LRP12: variants seen among roughly 807,000 people sequenced by gnomAD.
LRP12 encodes the protein low-density lipoprotein receptor-related protein 12.
LRP12 carries 14 observed loss-of-function variants against 66.0 expected under a neutral mutation model. The observed-to-expected ratio is 0.21, with a 90% CI of 0.14 to 0.33. LRP12 has a LOEUF of 0.33. Among genes scored for constraint, LRP12 ranks in the 10% least tolerant of loss-of-function variants. The pLI, the probability that LRP12 is intolerant of heterozygous loss-of-function variation, is 1.00. For synonymous variants in LRP12, 357 were observed against 359.1 expected, an observed-to-expected ratio of 0.99 and a Z score of 0.07; for missense variants, 889 against 1,053.4, an observed-to-expected ratio of 0.84 and a Z score of 2.16.
intron 1 of LRP12, among the ~76,000 whole-genome samples, chr8:104,587,658 T>C (rs1471972661): frequency 2.6e-5 from 4 of 152,196 alleles, no homozygotes; most frequent in East Asian, 3.8e-4. Flanking sequence ...AAAGCCACCA[T>C]CACATTCAAT....
At chr8:104,586,208 T>C (rs564336700) in intron 1 of LRP12, among the ~76,000 whole-genome samples, 1 of 152,344 alleles carries the variant, frequency 6.6e-6, no homozygotes, top group South Asian at 2.1e-4. Flanking sequence ...GGTAAGACTC[T>C]GGCATTCAGA....
chr8:104,577,503 C>A (rs1189846464), intron 1 of LRP12, among the ~76,000 whole-genome samples: 1 of 152,100 alleles, frequency 6.6e-6, no homozygotes, highest in Non-Finnish European at 1.5e-5. Context: ...AAAATTCAGG[C>A]AGAAATCAAG....
intron 1 of LRP12, among the ~76,000 whole-genome samples, chr8:104,555,691 T>G (rs1811796889): frequency 6.6e-6 from 1 of 151,972 alleles, no homozygotes; most frequent in African/African-American, 2.4e-5. Flanking sequence ...AGAAATGAGA[T>G]AGAGAGCAAC....
intron 2 of LRP12, among the ~76,000 whole-genome samples, chr8:104,521,486 C>T (rs184397498): frequency 2.4e-4 from 36 of 151,248 alleles, no homozygotes; most frequent in African/African-American, 8.5e-4. Flanking sequence ...AATAATAATA[C>T]CACCATTAGT....
At chr8:104,548,339 A>T (rs867909243) in intron 1 of LRP12, among the ~76,000 whole-genome samples, 4 of 43,108 alleles carry the variant, frequency 9.3e-5, no homozygotes, top group South Asian at 5.5e-4. Context: ...TATTATATAA[A>T]TATATAAATA....
intron 2 of LRP12, among the ~76,000 whole-genome samples, chr8:104,530,096 A>G (rs1012635520): frequency 7.9e-5 from 12 of 152,204 alleles, no homozygotes; most frequent in Non-Finnish European, 1.3e-4. Context: ...ATTTTTCATA[A>G]AACCATACTA....
intron 2 of LRP12, among the ~76,000 whole-genome samples, chr8:104,513,292 T>G (rs1811023491): frequency 6.6e-6 from 1 of 152,202 alleles, no homozygotes; most frequent in Admixed American, 6.5e-5. Flanking sequence ...ACTTACTGGC[T>G]TTGCACAATA....
intron 1 of LRP12, among the ~76,000 whole-genome samples, chr8:104,569,036 A>G (rs1437404080): frequency 6.6e-6 from 1 of 152,166 alleles, no homozygotes; most frequent in East Asian, 1.9e-4. Context: ...TCTGTCAACT[A>G]ATGAACAGAT....
intron 2 of LRP12, among the ~76,000 whole-genome samples, chr8:104,511,707 A>G (rs185326342): frequency 1.3e-5 from 2 of 152,170 alleles, no homozygotes; most frequent in East Asian, 1.9e-4. Context: ...AAAACATGCA[A>G]TCAAAGCTTT....
intron 2 of LRP12, among the ~76,000 whole-genome samples, chr8:104,524,918 A>C (rs940872884): frequency 6.6e-6 from 1 of 152,140 alleles, no homozygotes; most frequent in East Asian, 1.9e-4. Context: ...GATATATTTT[A>C]AAAAATCAAA....
Position 104,490,284 on chromosome 8 carries a change from CA to C in LRP12, c.*388del, listed in dbSNP as rs1810595787. ...TATATTAAGTTACAAGATGTGTTGGCAAAAGCATAAACGTTTCAATTAAAAT... is the reference window on the plus strand; with the variant it reads ...TATATTAAGTTACAAGATGTGTTGGCAAAGCATAAACGTTTCAATTAAAAT... On this transcript the variant is annotated 3_prime_UTR_variant, in exon 7 of 7. Coordinates refer to ENST00000276654, the MANE Select transcript of LRP12 (RefSeq NM_013437.5). 1 of 158,478 alleles carries C rather than the reference CA, an allele frequency of 6.3e-6. No homozygotes were observed. The allele number at this position is 158,478 out of a possible 1,614,324, so 9.8% of individuals were successfully genotyped here. A position where few individuals can be genotyped will look rare whatever the true frequency, so the allele number is the denominator to read the frequency against.
At chr8:104,579,356 G>A (rs1812211964) in intron 1 of LRP12, among the ~76,000 whole-genome samples, 1 of 151,104 alleles carries the variant, frequency 6.6e-6, no homozygotes, top group South Asian at 2.1e-4. Context: ...AAAATACCCA[G>A]GAACACAGCT....
chr8:104,548,143 A>G (rs1359124716), intron 1 of LRP12, among the ~76,000 whole-genome samples: 2 of 89,246 alleles, frequency 2.2e-5, no homozygotes, highest in East Asian at 5.5e-4. Context: ...AATTATAATT[A>G]TATTATATAT....
At chr8:104,529,216 A>C (rs150067727) in intron 2 of LRP12, among the ~76,000 whole-genome samples, 1,642 of 152,284 alleles carry the variant, frequency 0.011, 12 homozygotes, top group Non-Finnish European at 0.017. Context: ...GCACACACAG[A>C]GGGGAGACTA....
intron 6 of LRP12, among the ~76,000 whole-genome samples, chr8:104,492,984 G>A (rs1246890696): frequency 6.6e-6 from 1 of 152,146 alleles, no homozygotes; most frequent in Non-Finnish European, 1.5e-5. Context: ...ATGAACAAAA[G>A]GCTCTTCTGT....
At chr8:104,523,670 C>A (rs960191503) in intron 2 of LRP12, among the ~76,000 whole-genome samples, 1 of 152,036 alleles carries the variant, frequency 6.6e-6, no homozygotes, top group Admixed American at 6.6e-5. Flanking sequence ...CCATAAACCC[C>A]AAATAACACC....
At chr8:104,498,889 C>T (rs1810779777) in intron 4 of LRP12, among the ~76,000 whole-genome samples, 1 of 152,044 alleles carries the variant, frequency 6.6e-6, no homozygotes, top group African/African-American at 2.4e-5. Context: ...TTTTTAGACA[C>T]AATTTAAGAA....
chr8:104,538,445 C>A (rs539331214), intron 1 of LRP12, among the ~76,000 whole-genome samples: 20 of 152,094 alleles, frequency 1.3e-4, no homozygotes, highest in Admixed American at 1.3e-4. Context: ...CTTCACTTAT[C>A]AAATTTTTAG....
At chr8:104,496,889 T>C in intron 5 of LRP12, 83 bp downstream of exon 5, 3 of 1,320,164 alleles carry the variant, frequency 2.3e-6, no homozygotes, top group Non-Finnish European at 3.0e-6. Flanking sequence ...AAAACAAAAA[T>C]ACATTGCTAA....
Sources: allele counts gnomAD v4.1 joint callset (sites outside exome capture counted in the v4.1 genomes callset), GRCh38; gene constraint gnomAD v4.1.1; transcripts MANE v1.5; gene names NCBI Gene and HGNC (gene_info 2026-07-23, HGNC 2026-07-21).